The following RARB variants were observed in gnomAD, a reference collection of about 807,000 sequenced individuals.
The protein encoded by RARB is HBV-activated protein.
A neutral mutation model predicts 51.9 loss-of-function variants in RARB; 17 were observed. The ratio of observed to expected loss-of-function variants is 0.33; its 90% confidence interval spans 0.22 to 0.49. The LOEUF (loss-of-function observed/expected upper bound fraction) is 0.49. RARB is among the 20% of genes least tolerant of loss of function. RARB has a pLI of 0.99. For synonymous variants in RARB, 215 were observed against 195.4 expected, an observed-to-expected ratio of 1.10 and a Z score of -0.84; for missense variants, 369 against 550.8, an observed-to-expected ratio of 0.67 and a Z score of 3.30.
chr3:24,979,608 T>C (rs978459732), intron 2 of RARB, among the ~76,000 whole-genome samples: 2 of 152,114 alleles, frequency 1.3e-5, no homozygotes, highest in Admixed American at 6.6e-5. Context: ...TTGTTTTTTT[T>C]TGCTTTCCAT....
In RARB at chr3:25,048,424, A is replaced by C. The variant is rs1281221679; in HGVS notation, c.-379-11701A>C. 3.3e-5 allele frequency among the ~76,000 whole-genome samples: 5 copies of C among 152,344 alleles called. No individual in the cohort carries two copies. In the East Asian group the frequency reaches 9.7e-4, roughly 29 times the overall value. On this transcript the variant is annotated intron_variant, in intron 2 of 11. Transcript: ENST00000383772. ...TAAGTACACACAACTTTCCTATATG[A>C]ATACATGTTAATAAATGCAAAATGT...
intron 5 of RARB, among the ~76,000 whole-genome samples, chr3:25,327,621 G>C (rs1003042938): frequency 6.6e-6 from 1 of 152,164 alleles, no homozygotes; most frequent in Non-Finnish European, 1.5e-5. Context: ...ATCTGATCTT[G>C]AGGTTTGGCT....
intron 2 of RARB, among the ~76,000 whole-genome samples, chr3:24,983,893 C>T (rs1013394092): frequency 6.6e-6 from 1 of 151,800 alleles, no homozygotes; most frequent in East Asian, 1.9e-4. Flanking sequence ...AGGATAAATA[C>T]AATTACAAAA....
intron 3 of RARB, among the ~76,000 whole-genome samples, chr3:25,518,874 A>G (rs1050167120): frequency 1.3e-5 from 2 of 152,136 alleles, no homozygotes; most frequent in South Asian, 2.1e-4. Flanking sequence ...GCATCCTTCA[A>G]ACTACCTCCT....
At position 25,476,982 on chromosome 3, in the gene RARB, G is replaced by A. The variant is rs145319686; in HGVS notation, c.306+15641G>A. ...GGCATGATGTAGGCACTCAATAAAC[G>A]TTTGTTGAATGACTCAATAATAAAT... On this transcript the variant is annotated intron_variant, in intron 2 of 7. Coordinates refer to ENST00000330688, the MANE Select transcript of RARB (RefSeq NM_000965.5). Among the ~76,000 whole-genome samples the A allele has an allele frequency of 2.9e-4, 44 of 152,270 alleles. 1 individual carries two copies. Among genetic ancestry groups the A allele is most frequent in the Middle Eastern group, 3.4e-3 (1 of 294 alleles).
intron 2 of RARB, among the ~76,000 whole-genome samples, chr3:24,948,189 G>T (rs1304080391): frequency 6.6e-6 from 1 of 152,194 alleles, no homozygotes; most frequent in African/African-American, 2.4e-5. Context: ...TTGAAGATCT[G>T]AAGTCTCAGT....
chr3:25,582,587 A>G (rs1051554122), intron 5 of RARB, among the ~76,000 whole-genome samples: 3 of 152,002 alleles, frequency 2.0e-5, no homozygotes, highest in African/African-American at 7.3e-5. Flanking sequence ...AAAGTGTCTT[A>G]TTTCTGCACA....
At chr3:24,923,861 C>T (rs889126615) in intron 2 of RARB, among the ~76,000 whole-genome samples, 3 of 152,046 alleles carry the variant, frequency 2.0e-5, no homozygotes, top group Non-Finnish European at 2.9e-5. Flanking sequence ...TTTAAAAGTA[C>T]TAACAGTGAA....
intron 2 of RARB, among the ~76,000 whole-genome samples, chr3:24,923,346 A>T (rs1260459142): frequency 6.6e-6 from 1 of 152,128 alleles, no homozygotes; most frequent in Non-Finnish European, 1.5e-5. Context: ...ATTGTGAATT[A>T]ATTTGGGATT....
At chr3:25,163,507 ATATATATATATAT>A (rs1559488366) in intron 4 of RARB, among the ~76,000 whole-genome samples, 37 of 14,286 alleles carry the variant, frequency 2.6e-3, no homozygotes, top group African/African-American at 7.6e-3. Flanking sequence ...ATCTCAAAAT[ATATATATATATAT>A]ATATATATAT....
chr3:24,913,126 A>G lies in RARB; in HGVS notation c.-380+54374A>G, dbSNP rs548601613. On this transcript the variant is annotated intron_variant, in intron 2 of 11. Coordinates refer to the RARB transcript ENST00000383772. ...CTCCTGAGCAGCTAGGACTACAGGC[A>G]CCCGCCACCACGCCCGGCTAATTTT... Among the ~76,000 whole-genome samples, 555 of 151,036 alleles carry G rather than the reference A, an allele frequency of 3.7e-3. 2 individuals carry two copies. The highest frequency in any genetic ancestry group is 5.2e-3 in the African/African-American group (215 of 41,262).
chr3:24,836,431 TGA>T (rs1463638966), intron 1 of RARB, among the ~76,000 whole-genome samples: 2 of 152,174 alleles, frequency 1.3e-5, no homozygotes, highest in African/African-American at 4.8e-5. Context: ...TCAAAAAACA[TGA>T]GAGTATTCCA....
At chr3:25,244,826 GTCT>G (rs570115693) in intron 5 of RARB, among the ~76,000 whole-genome samples, 84 of 152,224 alleles carry the variant, frequency 5.5e-4, no homozygotes, top group South Asian at 1.5e-3. Flanking sequence ...TGTCTATTAG[GTCT>G]TCTTGGTCCA....
At chr3:25,552,208 A>C (rs992763875) in intron 3 of RARB, among the ~76,000 whole-genome samples, 16 of 152,148 alleles carry the variant, frequency 1.1e-4, no homozygotes, top group Admixed American at 5.9e-4. Context: ...ACCATTGTGC[A>C]ATTTCCTGAA....
At chr3:25,205,022 G>A (rs1701501074) in intron 5 of RARB, among the ~76,000 whole-genome samples, 2 of 152,300 alleles carry the variant, frequency 1.3e-5, no homozygotes, top group African/African-American at 2.4e-5. Flanking sequence ...TGCCCCCAGA[G>A]GTGGAGTCTA....
chr3:25,489,133 T>A (rs1696604944), intron 2 of RARB, among the ~76,000 whole-genome samples: 1 of 152,214 alleles, frequency 6.6e-6, no homozygotes, highest in South Asian at 2.1e-4. Context: ...GCATGGTGCT[T>A]AGGTGGAAGC....
intron 2 of RARB, among the ~76,000 whole-genome samples, chr3:25,478,792 T>C (rs1696089827): frequency 6.6e-6 from 1 of 152,228 alleles, no homozygotes; most frequent in African/African-American, 2.4e-5. Context: ...GGCCCCCTGC[T>C]TTCTCCTGGC....
chr3:25,140,311 G>A (rs530518116), intron 4 of RARB, among the ~76,000 whole-genome samples: 2 of 152,272 alleles, frequency 1.3e-5, no homozygotes, highest in East Asian at 1.9e-4. Flanking sequence ...TGTGATTCAT[G>A]GGAGGAAGTC....
chr3:24,853,393 TA>T (rs1432912535), intron 1 of RARB, among the ~76,000 whole-genome samples: 1 of 152,208 alleles, frequency 6.6e-6, no homozygotes, highest in Non-Finnish European at 1.5e-5. Flanking sequence ...CTCACTGTTG[TA>T]AAATAAAGAC....
Sources: gnomAD v4.1 joint callset for allele counts (sites outside exome capture counted in the v4.1 genomes callset) on GRCh38, gnomAD v4.1.1 for gene constraint, MANE v1.5 for transcripts, NCBI Gene and HGNC (gene_info 2026-07-23, HGNC 2026-07-21) for gene names.